SDK1: variants seen among roughly 807,000 people sequenced by gnomAD.
SDK1 encodes sidekick cell adhesion molecule 1.
In SDK1, 157 loss-of-function variants were observed where a neutral mutation model predicts 245.5. That is an observed-to-expected ratio of 0.64 (90% CI 0.56 to 0.73). The LOEUF (loss-of-function observed/expected upper bound fraction) is 0.73. Ranked by LOEUF, SDK1 falls within the 30% of genes least tolerant of loss-of-function variation. The pLI, the probability that SDK1 is intolerant of heterozygous loss-of-function variation, is 0.00. For synonymous variants in SDK1, 1,647 were observed against 1,278.5 expected, an observed-to-expected ratio of 1.29 and a Z score of -6.15; for missense variants, 3,583 against 3,002.3, an observed-to-expected ratio of 1.19 and a Z score of -4.52.
At chr7:3,568,965 TAAG>T (rs1780014708) in intron 1 of SDK1, among the ~76,000 whole-genome samples, 1 of 151,824 alleles carries the variant, frequency 6.6e-6, no homozygotes, top group Non-Finnish European at 1.5e-5. Flanking sequence ...ATTTTTAGTT[TAAG>T]TTCTCTAATT....
intron 2 of SDK1, among the ~76,000 whole-genome samples, chr7:3,627,875 T>C (rs932671445): frequency 4.3e-4 from 66 of 152,352 alleles, no homozygotes; most frequent in African/African-American, 1.5e-3. Context: ...TATTTACATA[T>C]GACTTTCTTG....
chr7:4,052,506 T>C (rs1293070301), intron 19 of SDK1, among the ~76,000 whole-genome samples: 1 of 152,156 alleles, frequency 6.6e-6, no homozygotes, highest in South Asian at 2.1e-4. Context: ...AAATATTTTG[T>C]AGTTGTTGAA....
intron 5 of SDK1, among the ~76,000 whole-genome samples, chr7:3,871,443 G>T (rs527807174): frequency 2.0e-4 from 31 of 152,306 alleles, no homozygotes; most frequent in African/African-American, 7.2e-4. Context: ...TAGTACAGGG[G>T]ATGTGTCTTA....
chr7:4,027,521 C>G (rs1407911743), intron 17 of SDK1, among the ~76,000 whole-genome samples: 4 of 152,168 alleles, frequency 2.6e-5, no homozygotes, highest in Non-Finnish European at 4.4e-5. Flanking sequence ...CTATGAATTG[C>G]TCTCCCAGCA....
intron 5 of SDK1, among the ~76,000 whole-genome samples, chr7:3,905,868 C>T (rs974651802): frequency 1.3e-5 from 2 of 152,164 alleles, no homozygotes; most frequent in Non-Finnish European, 2.9e-5. Context: ...AAGCGATCCT[C>T]CCACCTCAGC....
At chr7:3,933,211 A>G (rs1024116040) in intron 5 of SDK1, among the ~76,000 whole-genome samples, 4 of 146,612 alleles carry the variant, frequency 2.7e-5, no homozygotes, top group African/African-American at 1.0e-4. Context: ...CCTGGGCTCA[A>G]GTGATCCTCC....
intron 1 of SDK1, among the ~76,000 whole-genome samples, chr7:3,602,045 T>C (rs1781270468): frequency 6.6e-6 from 1 of 151,972 alleles, no homozygotes; most frequent in South Asian, 2.1e-4. Flanking sequence ...CCATGGAGTA[T>C]ATGTGCCACA....
At chr7:4,235,751 C>T (rs767939665) in intron 41 of SDK1, among the ~76,000 whole-genome samples, 51 of 152,358 alleles carry the variant, frequency 3.3e-4, no homozygotes, top group Admixed American at 5.9e-4. Flanking sequence ...CTCCATCAGA[C>T]GCAGAGCTGG....
chr7:3,366,519 C>G (rs1344800954), intron 1 of SDK1, among the ~76,000 whole-genome samples: 1 of 152,092 alleles, frequency 6.6e-6, no homozygotes, highest in African/African-American at 2.4e-5. Context: ...TTTGTACTTT[C>G]ATCAACAGTG....
intron 4 of SDK1, among the ~76,000 whole-genome samples, chr7:3,698,397 C>T (rs1216650692): frequency 6.6e-6 from 1 of 152,164 alleles, no homozygotes; most frequent in East Asian, 1.9e-4. Flanking sequence ...TTCCACCTTA[C>T]CTGGTGCTGT....
intron 1 of SDK1, among the ~76,000 whole-genome samples, chr7:3,493,294 C>G (rs1781920193): frequency 6.6e-6 from 1 of 152,192 alleles, no homozygotes; most frequent in Non-Finnish European, 1.5e-5. Flanking sequence ...ATCCATCTCC[C>G]TACCCTTCAT....
chr7:4,086,017 ATATT>A (rs1468712157), intron 22 of SDK1, among the ~76,000 whole-genome samples: 2 of 152,174 alleles, frequency 1.3e-5, no homozygotes, highest in African/African-American at 4.8e-5. Context: ...ATAGATAACC[ATATT>A]TATTAGACTT....
At chr7:3,922,031 C>A (rs1029746219) in intron 5 of SDK1, among the ~76,000 whole-genome samples, 1 of 152,198 alleles carries the variant, frequency 6.6e-6, no homozygotes, top group Non-Finnish European at 1.5e-5. Context: ...AGCCGCAGGG[C>A]CTCTCACCCA....
chr7:4,217,208 G>T (rs1260578142), intron 38 of SDK1, among the ~76,000 whole-genome samples: 2 of 122,954 alleles, frequency 1.6e-5, no homozygotes, highest in African/African-American at 6.3e-5. Context: ...GGAGCACCAG[G>T]CCACCCAGAG....
At chr7:3,950,797 G>A (rs899443131) in intron 5 of SDK1, 126 bp from the exon 6 acceptor site, 1 of 663,162 alleles carries the variant, frequency 1.5e-6, no homozygotes, top group Non-Finnish European at 2.7e-6. Context: ...ATTTGTGTCT[G>A]TAGGGATTGG....
intron 1 of SDK1, among the ~76,000 whole-genome samples, chr7:3,308,958 G>A (rs1479648894): frequency 6.6e-6 from 1 of 152,094 alleles, no homozygotes; most frequent in East Asian, 1.9e-4. Flanking sequence ...GGGGAGCTCT[G>A]GTAGTTGCCT....
chr7:4,066,224 C>T (rs1426501158), intron 19 of SDK1, among the ~76,000 whole-genome samples: 1 of 152,116 alleles, frequency 6.6e-6, no homozygotes, highest in Admixed American at 6.5e-5. Flanking sequence ...TATGTTTCTC[C>T]TGAACGGGTA....
At chr7:3,580,401 G>A (rs1335722377) in intron 1 of SDK1, among the ~76,000 whole-genome samples, 2 of 152,068 alleles carry the variant, frequency 1.3e-5, no homozygotes, top group African/African-American at 4.8e-5. Context: ...TATACTGCAG[G>A]GCTACAGTAA....
chr7:3,426,545 C>G (rs1047400819), intron 1 of SDK1, among the ~76,000 whole-genome samples: 1 of 152,192 alleles, frequency 6.6e-6, no homozygotes, highest in Non-Finnish European at 1.5e-5. Context: ...AGATGTAAAA[C>G]CCATAGGACA....
Sources: allele counts gnomAD v4.1 joint callset (sites outside exome capture counted in the v4.1 genomes callset), GRCh38; gene constraint gnomAD v4.1.1; transcripts MANE v1.5; gene names NCBI Gene and HGNC (gene_info 2026-07-23, HGNC 2026-07-21).